Variants in CARS1 observed in about 807,000 individuals in gnomAD.
The protein encoded by CARS1 is cysteine--tRNA ligase, cytoplasmic.
A neutral mutation model predicts 106.2 loss-of-function variants in CARS1; 48 were observed. The ratio of observed to expected loss-of-function variants is 0.45; its 90% CI spans 0.36 to 0.57. The LOEUF (loss-of-function observed/expected upper bound fraction) is 0.57, where lower values mean the gene tolerates loss of function less well. CARS1 is among the 20% of genes least tolerant of loss of function. CARS1 has a pLI of 0.00. For synonymous variants in CARS1, 409 were observed against 403.4 expected, an observed-to-expected ratio of 1.01 and a Z score of -0.17; for missense variants, 968 against 1,057.2, an observed-to-expected ratio of 0.92 and a Z score of 1.17.
Position 3,029,545 on chromosome 11 carries a change from G to A in CARS1, c.802-102C>T. 1 of 1,340,544 alleles carries A rather than the reference G, an allele frequency of 7.5e-7. No individual in the cohort carries two copies. The highest frequency in any genetic ancestry group is 1.0e-6 in the Non-Finnish European group (1 of 973,344). The allele number at this position is 1,340,544 out of a possible 1,614,324, so 83.0% of individuals were successfully genotyped here. On this transcript the variant is annotated intron_variant, in intron 7 of 22. Transcript: ENST00000380525. This position sits in a 1 kb window ranked among gnomAD's most constrained non-coding sequence, Gnocchi z 5.9. ...CCATCAGTGCCCTGAATTCAAAGGTGCTGACCTTGACCTGTGAAGAGCCAC... is the reference window on the plus strand; with the variant it reads ...CCATCAGTGCCCTGAATTCAAAGGTACTGACCTTGACCTGTGAAGAGCCAC...
rs144869498 is a variant in CARS1, at chr11:3,006,552, G to C, written c.2149+327C>G. Among the ~76,000 whole-genome samples the C allele has an allele frequency of 8.4e-3, 1,283 of 152,390 alleles. 12 individuals are homozygous for C. The highest frequency in any genetic ancestry group is 0.013 in the Non-Finnish European group (878 of 68,040). ...AGAACAAGCATGCAATCTGTTGACA[G>C]TGTACAGGATACAGGCTGGTTCCTC... On this transcript the variant is annotated intron_variant, in intron 19 of 22. Transcript: ENST00000380525.
At chr11:3,031,278 A>C (rs1217856168) in intron 7 of CARS1, 1 of 152,236 alleles carries the variant, frequency 6.6e-6, no homozygotes, top group African/African-American at 2.4e-5. Context: ...AAAGAAAAGT[A>C]ATTTGAAGGG....
rs59525343 is a variant in CARS1 at position 3,047,276 on chromosome 11, C to CAA, written c.274+475_274+476dup. ...TGGGCGATAGAGCGAGACTCCATCT[C>CAA]AAAAAAAAAAAAAAAAAAAAGTTCA... On this transcript the variant is annotated intron_variant, in intron 2 of 22. Coordinates refer to ENST00000380525, the MANE Select transcript of CARS1 (RefSeq NM_001014437.3). 1.9e-3 allele frequency among the ~76,000 whole-genome samples: 161 copies of CAA among 84,426 alleles called. 2 individuals are homozygous for CAA. Among genetic ancestry groups the CAA allele is most frequent in the African/African-American group, 4.3e-3 (95 of 22,274 alleles). 55.4% of individuals were successfully genotyped at this position (84,426 alleles called of 152,430 possible).
Position 3,034,528 on chromosome 11 carries a change from G to A in CARS1, c.801+3522C>T, listed in dbSNP as rs182521807. ...GACCCACTGCGCCTGGCCGGGAATGGGTAAAATTTTTTTTCTTTTTGAGAC... is the reference window on the plus strand; with the variant it reads ...GACCCACTGCGCCTGGCCGGGAATGAGTAAAATTTTTTTTCTTTTTGAGAC... On this transcript the variant is annotated intron_variant, in intron 7 of 22. Coordinates refer to ENST00000380525, the MANE Select transcript of CARS1 (RefSeq NM_001014437.3). The surrounding 1 kb of genome is among the most constrained non-coding windows in gnomAD (Gnocchi z 6.3). Among the ~76,000 whole-genome samples, 600 of 151,420 alleles carry A rather than the reference G, an allele frequency of 4.0e-3. 6 individuals carry two copies. Among genetic ancestry groups the A allele is most frequent in the South Asian group, 0.034 (165 of 4,784 alleles).
At position 3,017,135 on chromosome 11, in the gene CARS1, T is replaced by C; in HGVS notation, c.1888A>G (p.Ile630Val). 6.2e-7 allele frequency: 1 copy of C among 1,614,090 alleles called. No individual in the cohort carries two copies. The highest frequency in any genetic ancestry group is 8.5e-7 in the Non-Finnish European group (1 of 1,179,968). ...AGCATATGGGTGAGGTACAGGGCGA[T>C]GTTCTCCAGCAGAGCCTGGTTGGGC... ...KRPNQALLEN[I>V]ALYLTHMLKI... The change falls in exon 16 of 23, where the codon ATC (isoleucine) becomes GTC (valine). Residue 630 changes from isoleucine to valine, a missense_variant. By Grantham distance (29) the Ile-to-Val change is conservative. Coordinates refer to ENST00000380525, the MANE Select transcript of CARS1 (RefSeq NM_001014437.3). The surrounding 1 kb of genome is among the most constrained non-coding windows in gnomAD (Gnocchi z 4.9).
Position 3,030,628 on chromosome 11 carries a change from T to C in CARS1, c.802-1185A>G, listed in dbSNP as rs570264423. The C allele has an allele frequency of 5.1e-4, 77 of 152,176 alleles. No individual in the cohort carries two copies. Among genetic ancestry groups the C allele is most frequent in the African/African-American group, 1.8e-3 (75 of 41,494 alleles). The allele number at this position is 152,176 out of a possible 1,614,324, so 9.4% of individuals were successfully genotyped here. ...CGAGGTCACCAAACACCCAAGAACA[T>C]GAGCAACTGTGAATGGGAGTCAGCA... On this transcript the variant is annotated intron_variant, in intron 7 of 22. Coordinates refer to ENST00000380525, the MANE Select transcript of CARS1 (RefSeq NM_001014437.3). This position sits in a 1 kb window ranked among gnomAD's most constrained non-coding sequence, Gnocchi z 5.7.
intron 9 of CARS1, chr11:3,027,807 G>A (rs185865187): frequency 2.6e-4 from 120 of 454,606 alleles, no homozygotes; most frequent in African/African-American, 1.9e-3. Context: ...GTTGCCAAGC[G>A]GACTGTGGTC....
intron 17 of CARS1, among the ~76,000 whole-genome samples, chr11:3,012,754 G>A (rs1850605952): frequency 6.6e-6 from 1 of 152,132 alleles, no homozygotes. Context: ...ACATACACTT[G>A]TTTAAGATGA....
chr11:3,049,543 C>T (rs1279371746), intron 1 of CARS1, among the ~76,000 whole-genome samples: 1 of 152,236 alleles, frequency 6.6e-6, no homozygotes, highest in Admixed American at 6.5e-5. Flanking sequence ...AGCACAGGTG[C>T]ATCCAAACCT....
intron 7 of CARS1, among the ~76,000 whole-genome samples, chr11:3,032,818 T>C (rs377319251): frequency 2.0e-5 from 3 of 151,006 alleles, no homozygotes; most frequent in East Asian, 3.9e-4. Context: ...TGTGATACCG[T>C]AATGGTGGAT....
Position 3,017,353 on chromosome 11 carries a change from C to T in CARS1, c.1728-58G>A. The stretch of plus-strand genomic sequence containing the variant: ...GACCTGAAAACACACCATAGAAATT[C>T]CCCATGTGGCCAGGCGCAGTGGCTC... On this transcript the variant is annotated intron_variant, in intron 15 of 22. Transcript: ENST00000380525. The surrounding 1 kb of genome is among the most constrained non-coding windows in gnomAD (Gnocchi z 4.9). The T allele has an allele frequency of 6.6e-7, 1 of 1,506,642 alleles. No individual in the cohort carries two copies. Among genetic ancestry groups the T allele is most frequent in the Non-Finnish European group, 9.2e-7 (1 of 1,091,894 alleles). 93.3% of individuals were successfully genotyped at this position (1,506,642 alleles called of 1,614,324 possible). A position where few individuals can be genotyped will look rare whatever the true frequency, so the allele number is the denominator to read the frequency against.
chr11:3,055,339 G>C (rs1335769689), intron 1 of CARS1, among the ~76,000 whole-genome samples: 4 of 152,072 alleles, frequency 2.6e-5, no homozygotes, highest in Non-Finnish European at 2.9e-5. Flanking sequence ...ATTTTTAGTA[G>C]AGACAGGGTT....
rs769513563 is a variant in CARS1 at position 3,042,197 on chromosome 11, G to A, written c.334C>T (p.Leu112Phe). The A allele has an allele frequency of 1.2e-6, 2 of 1,613,986 alleles. No homozygotes were observed. The highest frequency in any genetic ancestry group is 4.5e-5 in the East Asian group (2 of 44,880). Reference sequence around the variant, plus strand: ...CTGGTGAGGCTGTTGTAAAGGTGGAGTCTGCATGGCTGGGTCCCAGCAGGA... The same window carrying A: ...CTGGTGAGGCTGTTGTAAAGGTGGAATCTGCATGGCTGGGTCCCAGCAGGA... ...SPPAGTQPCR[L>F]HLYNSLTRNK... The change falls in exon 3 of 23, where the codon CTC becomes TTC. Residue 112 changes from leucine (L) to phenylalanine (F), a missense_variant. By Grantham distance (22) the Leu-to-Phe change is conservative (BLOSUM62 0). Coordinates refer to ENST00000380525, the MANE Select transcript of CARS1 (RefSeq NM_001014437.3).
rs1318455747 is a variant in CARS1 at position 3,020,200 on chromosome 11, C to T, written c.1266+20G>A. On this transcript the variant is annotated intron_variant, in intron 11 of 22. Coordinates refer to ENST00000380525, the MANE Select transcript of CARS1 (RefSeq NM_001014437.3). This position sits in a 1 kb window ranked among gnomAD's most constrained non-coding sequence, Gnocchi z 4.6. ...CAGTGCCCCTGTCCAAGCCCCACAC[C>T]TTCTAGGCCACTCGCTCACCTTTCC... is the stretch of plus-strand genomic sequence containing the variant. 1 of 1,460,834 alleles carries T rather than the reference C, an allele frequency of 6.8e-7. No individual in the cohort carries two copies. The highest frequency in any genetic ancestry group is 9.6e-7 in the Non-Finnish European group (1 of 1,040,324). 90.5% of individuals were successfully genotyped at this position (1,460,834 alleles called of 1,614,324 possible).
In CARS1 at chr11:3,041,490, G is replaced by A. The variant is rs113224012; in HGVS notation, c.367-506C>T. Among the ~76,000 whole-genome samples the A allele has an allele frequency of 2.0e-3, 301 of 152,218 alleles. 1 individual carries two copies. The highest frequency in any genetic ancestry group is 6.8e-3 in the African/African-American group (284 of 41,530). On this transcript the variant is annotated intron_variant, in intron 3 of 22. Transcript: ENST00000380525. This position sits in a 1 kb window ranked among gnomAD's most constrained non-coding sequence, Gnocchi z 4.9. ...GCCAGGACCCCTGAATCGTGGTGCT[G>A]CTCTGGCACCACTCCCCAACATCCC...
intron 12 of CARS1, 43 bp from the exon 13 acceptor site, chr11:3,018,792 T>C: frequency 1.9e-6 from 3 of 1,592,866 alleles, no homozygotes; most frequent in Non-Finnish European, 2.6e-6. Context: ...CATGTGTTAC[T>C]GGGGCCGCCT....
At position 3,037,542 on chromosome 11, in the gene CARS1, A is replaced by T. The variant is rs1300365812; in HGVS notation, c.801+508T>A. ...CAGGGAAAGGCCTGAGGAAGAGGGC[A>T]GGGTCCCCTCTGCACCCAGGTCTCT... On this transcript the variant is annotated intron_variant, in intron 7 of 22. Transcript: ENST00000380525. This position sits in a 1 kb window ranked among gnomAD's most constrained non-coding sequence, Gnocchi z 5.9. Among the ~76,000 whole-genome samples, 3 of 152,238 alleles carry T rather than the reference A, an allele frequency of 2.0e-5. No homozygotes were observed. Among genetic ancestry groups the T allele is most frequent in the African/African-American group, 7.2e-5 (3 of 41,460 alleles).
Position 3,038,094 on chromosome 11 carries a change from C to T in CARS1, c.757G>A (p.Val253Met). The T allele has an allele frequency of 6.2e-7, 1 of 1,614,222 alleles. No individual in the cohort carries two copies. Among genetic ancestry groups the T allele is most frequent in the South Asian group, 1.1e-5 (1 of 91,090 alleles). Residue 253 changes from valine (V) to methionine (M), a missense_variant, in exon 7 of 23, where the codon GTG (valine) becomes ATG (methionine). Val to Met is a conservative substitution (Grantham distance 21, BLOSUM62 1). Transcript: ENST00000380525. This position sits in a 1 kb window ranked among gnomAD's most constrained non-coding sequence, Gnocchi z 4.0. ...TCCTCTCCCGTGAGTCTGGACTGCA[C>T]AGCTTTCTCAAGTGGCTCTGTGGCA... ...QLATEPLEKAVQSRLTGEEVN... is the reference protein window; with the variant it reads ...QLATEPLEKAMQSRLTGEEVN...
At position 3,012,220 on chromosome 11, in the gene CARS1, C is replaced by T. The variant is rs761200872; in HGVS notation, c.2043G>A (p.Val681=). 5 of 1,614,252 alleles carry T rather than the reference C, an allele frequency of 3.1e-6. No individual in the cohort carries two copies. Among genetic ancestry groups the T allele is most frequent in the Non-Finnish European group, 4.2e-6 (5 of 1,180,028 alleles). The stretch of plus-strand genomic sequence containing the variant: ...CTTTTTGCTCTCGGGCAATCTTCCG[C>T]ACTCCTTCTCGGAATTCTGATAACA... ...LQVLSEFREG[V]RKIAREQKVP... is the part of the protein sequence containing the mutation. Residue 681 remains valine (V), a synonymous_variant, in exon 18 of 23, where the codon GTG becomes GTA. Transcript: ENST00000380525.
Sources: allele counts gnomAD v4.1 joint callset (sites outside exome capture counted in the v4.1 genomes callset), GRCh38; gene constraint gnomAD v4.1.1; non-coding constraint Gnocchi (gnomAD v3.1); transcripts MANE v1.5; gene names NCBI Gene and HGNC (gene_info 2026-07-23, HGNC 2026-07-21).